Variants in POU6F2 observed in about 807,000 individuals in gnomAD.
The protein encoded by POU6F2 is POU class 6 homeobox 2.
Under a neutral mutation model 71.3 loss-of-function variants are expected in POU6F2, and 31 were observed. That is an observed-to-expected ratio of 0.43 (90% CI 0.33 to 0.59). The LOEUF is 0.59. Ranked by LOEUF, POU6F2 falls within the 20% of genes least tolerant of loss-of-function variation. The probability of loss-of-function intolerance (pLI) is 0.04; values close to 1 mark genes in which losing one functional copy is unlikely to be tolerated. For synonymous variants in POU6F2, 347 were observed against 355.7 expected (o/e 0.98, Z 0.27); for missense variants, 783 against 856.8 (o/e 0.91, Z 1.07).
intron 4 of POU6F2, among the ~76,000 whole-genome samples, chr7:39,228,083 T>C (rs921579992): frequency 1.3e-5 from 2 of 152,194 alleles, no homozygotes; most frequent in Non-Finnish European, 2.9e-5. Context: ...CTAGGAATAG[T>C]TGTTTGACTC....
chr7:39,105,505 G>A (rs904669579), intron 2 of POU6F2, among the ~76,000 whole-genome samples: 1 of 151,116 alleles, frequency 6.6e-6, no homozygotes, highest in Non-Finnish European at 1.5e-5. Flanking sequence ...AGAAGTTGAT[G>A]CCACATTTCC....
intron 5 of POU6F2, among the ~76,000 whole-genome samples, chr7:39,378,899 G>T (rs561487280): frequency 6.6e-6 from 1 of 152,278 alleles, no homozygotes; most frequent in East Asian, 1.9e-4. Flanking sequence ...TGATGCTCAC[G>T]TTATAACTGA....
At chr7:39,412,705 C>T (rs1278700115) in intron 6 of POU6F2, among the ~76,000 whole-genome samples, 3 of 124,626 alleles carry the variant, frequency 2.4e-5, no homozygotes, top group African/African-American at 8.9e-5. Context: ...TTTTGCAAAA[C>T]AATACAAAAG....
At chr7:39,373,659 C>T in intron 5 of POU6F2, 4 of 368,990 alleles carry the variant, frequency 1.1e-5, no homozygotes, top group Non-Finnish European at 2.2e-5. Flanking sequence ...GAACTGGTCT[C>T]CTTATTGAAT....
intron 4 of POU6F2, among the ~76,000 whole-genome samples, chr7:39,215,752 A>G (rs980665758): frequency 1.3e-5 from 2 of 152,306 alleles, no homozygotes; most frequent in Admixed American, 6.5e-5. Flanking sequence ...TGTGGTCTCT[A>G]CACTGCACAG....
intron 4 of POU6F2, among the ~76,000 whole-genome samples, chr7:39,297,485 T>C (rs187895955): frequency 7.9e-5 from 12 of 152,178 alleles, no homozygotes; most frequent in African/African-American, 2.9e-4. Flanking sequence ...TGACTACTAC[T>C]TGAACCAAAA....
At chr7:39,461,701 T>G (rs1039113123) in intron 9 of POU6F2, among the ~76,000 whole-genome samples, 1 of 152,208 alleles carries the variant, frequency 6.6e-6, no homozygotes, top group African/African-American at 2.4e-5. Context: ...GCAGCTCACA[T>G]TTTGCTCAAT....
At chr7:39,227,183 T>G (rs964911711) in intron 4 of POU6F2, among the ~76,000 whole-genome samples, 3 of 152,248 alleles carry the variant, frequency 2.0e-5, no homozygotes, top group African/African-American at 7.2e-5. Flanking sequence ...TTTGGCTAAA[T>G]TGTTACTTGT....
chr7:39,413,815 T>C (rs1233401287), intron 6 of POU6F2, among the ~76,000 whole-genome samples: 2 of 152,240 alleles, frequency 1.3e-5, no homozygotes, highest in Non-Finnish European at 2.9e-5. Flanking sequence ...AACCTCAATC[T>C]TTCTACTAAC....
At chr7:39,365,206 G>A (rs563041911) in intron 5 of POU6F2, among the ~76,000 whole-genome samples, 10 of 152,266 alleles carry the variant, frequency 6.6e-5, no homozygotes, top group African/African-American at 2.2e-4. Flanking sequence ...CAATGGAACT[G>A]AATAGAGAAC....
chr7:39,301,125 G>C (rs1784941542), intron 4 of POU6F2, among the ~76,000 whole-genome samples: 1 of 152,158 alleles, frequency 6.6e-6, no homozygotes, highest in African/African-American at 2.4e-5. Context: ...TGGTTTTTCA[G>C]TGGCTATTTA....
At chr7:39,425,944 T>C (rs938843045) in intron 6 of POU6F2, among the ~76,000 whole-genome samples, 2 of 152,218 alleles carry the variant, frequency 1.3e-5, no homozygotes, top group Non-Finnish European at 2.9e-5. Flanking sequence ...TCTGGGTATC[T>C]CAGGTAACAC....
At chr7:39,039,046 T>C (rs1044619464) in intron 1 of POU6F2, among the ~76,000 whole-genome samples, 3 of 152,024 alleles carry the variant, frequency 2.0e-5, no homozygotes, top group Non-Finnish European at 4.4e-5. Context: ...TCAAGCCAGT[T>C]TGAATTCACA....
chr7:39,247,374 C>T (rs1418941834), intron 4 of POU6F2, among the ~76,000 whole-genome samples: 1 of 151,874 alleles, frequency 6.6e-6, no homozygotes, highest in Non-Finnish European at 1.5e-5. Context: ...TCGCCTAAGC[C>T]CAGTAGGCGG....
intron 6 of POU6F2, among the ~76,000 whole-genome samples, chr7:39,407,709 A>G (rs985215418): frequency 6.6e-6 from 1 of 152,064 alleles, no homozygotes; most frequent in African/African-American, 2.4e-5. Flanking sequence ...GAGAGCAGGC[A>G]TTTTGATGTC....
intron 5 of POU6F2, among the ~76,000 whole-genome samples, chr7:39,390,193 C>T (rs1361115014): frequency 2.0e-5 from 3 of 151,932 alleles, no homozygotes; most frequent in Admixed American, 6.6e-5. Flanking sequence ...GTCAGGAGTT[C>T]GAGACCAGCC....
intron 4 of POU6F2, among the ~76,000 whole-genome samples, chr7:39,216,233 G>C (rs1053153295): frequency 6.6e-6 from 1 of 152,160 alleles, no homozygotes; most frequent in East Asian, 1.9e-4. Context: ...ATACACTACA[G>C]AAGTATTTGA....
At chr7:39,124,894 A>G (rs1343687855) in intron 2 of POU6F2, among the ~76,000 whole-genome samples, 3 of 152,062 alleles carry the variant, frequency 2.0e-5, no homozygotes, top group Non-Finnish European at 4.4e-5. Flanking sequence ...TCCGTTCTTT[A>G]TATTTTCTTT....
intron 4 of POU6F2, among the ~76,000 whole-genome samples, chr7:39,230,440 C>T (rs1452281454): frequency 4.0e-5 from 6 of 151,200 alleles, no homozygotes; most frequent in African/African-American, 1.5e-4. Context: ...GCTATGATCA[C>T]ACCACTACAC....
Sources: gnomAD v4.1 joint callset for allele counts (sites outside exome capture counted in the v4.1 genomes callset) on GRCh38, gnomAD v4.1.1 for gene constraint, MANE v1.5 for transcripts, NCBI Gene and HGNC (gene_info 2026-07-23, HGNC 2026-07-21) for gene names.